PPP2R5E: variants seen among roughly 807,000 people sequenced by gnomAD.
The protein encoded by PPP2R5E is protein phosphatase 2 regulatory subunit B'epsilon, also known as serine/threonine-protein phosphatase 2A 56 kDa regulatory subunit epsilon isoform.
A neutral mutation model predicts 65.3 loss-of-function variants in PPP2R5E; 4 were observed. The ratio of observed to expected loss-of-function variants is 0.06; its 90% CI spans 0.03 to 0.14. PPP2R5E has a LOEUF of 0.14. PPP2R5E is among the 10% of genes least tolerant of loss of function. The pLI, the probability that PPP2R5E is intolerant of heterozygous loss-of-function variation, is 1.00. For synonymous variants in PPP2R5E, 183 were observed against 187.4 expected (o/e 0.98, Z 0.19); for missense variants, 274 against 556.1 (o/e 0.49, Z 5.10).
At chr14:63,463,035 G>C (rs1254781757) in intron 2 of PPP2R5E, among the ~76,000 whole-genome samples, 2 of 149,546 alleles carry the variant, frequency 1.3e-5, no homozygotes, top group Admixed American at 1.3e-4. Flanking sequence ...CTGGGAGGCG[G>C]AGGTTGTGGT....
intron 13 of PPP2R5E, among the ~76,000 whole-genome samples, chr14:63,377,166 A>T (rs1477000519): frequency 2.0e-5 from 3 of 152,078 alleles, no homozygotes; most frequent in Non-Finnish European, 2.9e-5. Flanking sequence ...AAATAAAAAA[A>T]AAAAAATGCT....
In PPP2R5E at chr14:63,520,412, T is replaced by C. The variant is rs1892852467; in HGVS notation, c.157+19117A>G. 5.9e-5 allele frequency among the ~76,000 whole-genome samples: 9 copies of C among 152,226 alleles called. No homozygotes were observed. The South Asian group carries it at 1.4e-3, about 25-fold the overall frequency. On this transcript the variant is annotated intron_variant, in intron 2 of 13. Transcript: ENST00000337537. Reference sequence around the variant, plus strand: ...CTTCCTCTGAGAAACCTTCCCTGAATGGCCACCCTATTTCTCCAAAAGCAC... The same window carrying C: ...CTTCCTCTGAGAAACCTTCCCTGAACGGCCACCCTATTTCTCCAAAAGCAC...
At chr14:63,489,372 T>C (rs1448698551) in intron 2 of PPP2R5E, among the ~76,000 whole-genome samples, 5 of 151,894 alleles carry the variant, frequency 3.3e-5, no homozygotes, top group Non-Finnish European at 7.4e-5. Context: ...TACTCAATGT[T>C]GGTCACCAAA....
chr14:63,403,264 C>T lies in PPP2R5E; in HGVS notation c.550-6548G>A, dbSNP rs533382171. ...CTAACATGGTGAAACCCTGTCTCTA[C>T]TGAAAATACAAAAATTAGTCTGGCG... On this transcript the variant is annotated intron_variant, in intron 5 of 13. Coordinates refer to ENST00000337537, the MANE Select transcript of PPP2R5E (RefSeq NM_006246.5). 2.0e-5 allele frequency among the ~76,000 whole-genome samples: 3 copies of T among 151,722 alleles called. No homozygotes were observed. In the South Asian group the frequency reaches 6.2e-4, roughly 32 times the overall value.
chr14:63,391,172 C>CA (rs989755285), intron 10 of PPP2R5E, among the ~76,000 whole-genome samples: 16 of 152,254 alleles, frequency 1.1e-4, no homozygotes, highest in Admixed American at 9.8e-4. Flanking sequence ...GACAACTGGA[C>CA]ACCTGATTGG....
chr14:63,517,171 G>C (rs1892700834), intron 2 of PPP2R5E, among the ~76,000 whole-genome samples: 1 of 151,914 alleles, frequency 6.6e-6, no homozygotes, highest in Non-Finnish European at 1.5e-5. Flanking sequence ...GTGAAATTAT[G>C]TTATGACAGT....
chr14:63,501,564 G>A (rs966333518), intron 2 of PPP2R5E, among the ~76,000 whole-genome samples: 2 of 152,122 alleles, frequency 1.3e-5, no homozygotes, highest in African/African-American at 4.8e-5. Flanking sequence ...GGTAGCGAGA[G>A]GAATGAGGAG....
intron 3 of PPP2R5E, among the ~76,000 whole-genome samples, chr14:63,431,102 T>C (rs143142942): frequency 1.3e-5 from 2 of 152,126 alleles, no homozygotes; most frequent in Non-Finnish European, 2.9e-5. Context: ...ACCCCATCTG[T>C]ACTAAAAATA....
At chr14:63,439,637 G>A (rs901157698) in intron 3 of PPP2R5E, among the ~76,000 whole-genome samples, 1 of 152,200 alleles carries the variant, frequency 6.6e-6, no homozygotes, top group African/African-American at 2.4e-5. Context: ...GCCTCCCAAA[G>A]TGCTGGGATT....
chr14:63,422,008 C>T lies in PPP2R5E; in HGVS notation c.441G>A (p.Ser147=), dbSNP rs746083267. 5.6e-6 allele frequency: 9 copies of T among 1,611,116 alleles called. No homozygotes were observed. Among genetic ancestry groups the T allele is most frequent in the Admixed American group, 3.3e-5 (2 of 60,000 alleles). Residue 147 remains serine, a synonymous_variant, in exon 4 of 14, where the codon TCG becomes TCA. Coordinates refer to ENST00000337537, the MANE Select transcript of PPP2R5E (RefSeq NM_006246.5). ...TTCAAAGTACCTGTAAGTGTGGCCACGATGCCTCAAGGGTAGGTTCATCTT... is the reference window on the plus strand; with the variant it reads ...TTCAAAGTACCTGTAAGTGTGGCCATGATGCCTCAAGGGTAGGTTCATCTT... The part of the protein sequence containing the change: ...PEEDEPTLEA[S]WPHLQLVYEF...
At chr14:63,478,903 A>G (rs976998993) in intron 2 of PPP2R5E, among the ~76,000 whole-genome samples, 19 of 152,218 alleles carry the variant, frequency 1.2e-4, no homozygotes, top group Admixed American at 2.6e-4. Flanking sequence ...CAGGCAGATC[A>G]CTTGAGGCCA....
At chr14:63,495,827 A>C (rs1365305908) in intron 2 of PPP2R5E, among the ~76,000 whole-genome samples, 1 of 151,838 alleles carries the variant, frequency 6.6e-6, no homozygotes, top group Non-Finnish European at 1.5e-5. Context: ...AGTAACTGAG[A>C]AAACAGGCAT....
Position 63,396,705 on chromosome 14 carries a change from T to C in PPP2R5E, c.561A>G (p.Leu187=), listed in dbSNP as rs761509608. 1.1e-5 allele frequency: 17 copies of C among 1,613,608 alleles called. No homozygotes were observed. The highest frequency in any genetic ancestry group is 1.4e-5 in the Non-Finnish European group (16 of 1,179,708). Residue 187 remains leucine (L), a synonymous_variant, in exon 6 of 14, where the codon CTA becomes CTG. Transcript: ENST00000337537. ...DQKFVLQLLE[L]FDSEDPRERD... is the part of the protein sequence containing the mutation. The stretch of plus-strand genomic sequence containing the variant: ...GTTCCCGAGGGTCTTCGCTGTCAAA[T>C]AGCTCCAGAAGCTGTTGTAAATGAA...
chr14:63,460,239 T>C (rs948137484), intron 2 of PPP2R5E, among the ~76,000 whole-genome samples: 1 of 152,180 alleles, frequency 6.6e-6, no homozygotes, highest in African/African-American at 2.4e-5. Flanking sequence ...GTAGCCACTA[T>C]TAATATCCCA....
chr14:63,458,452 G>T (rs1043260357), intron 2 of PPP2R5E, among the ~76,000 whole-genome samples: 1 of 152,082 alleles, frequency 6.6e-6, no homozygotes, highest in African/African-American at 2.4e-5. Context: ...TAAAATATGT[G>T]CCCAGTCTCT....
chr14:63,486,293 T>TACACACACACACACAC lies in PPP2R5E; in HGVS notation c.158-32424_158-32409dup, dbSNP rs374427574. Among the ~76,000 whole-genome samples the TACACACACACACACAC allele has an allele frequency of 8.0e-4, 102 of 128,044 alleles. 2 individuals carry two copies. The highest frequency in any genetic ancestry group is 2.3e-3 in the African/African-American group (72 of 31,694). The allele number at this position is 128,044 out of a possible 152,430, so 84.0% of individuals were successfully genotyped here. On this transcript the variant is annotated intron_variant, in intron 2 of 13. Coordinates refer to ENST00000337537, the MANE Select transcript of PPP2R5E (RefSeq NM_006246.5). The stretch of plus-strand genomic sequence containing the variant: ...ACCCCACCCATCTTTCTTTCCCCAT[T>TACACACACACACACAC]ACACACACACACACACACACACACA...
chr14:63,470,886 A>G (rs1044572276), intron 2 of PPP2R5E, among the ~76,000 whole-genome samples: 5 of 152,266 alleles, frequency 3.3e-5, no homozygotes, highest in African/African-American at 1.2e-4. Context: ...TAATTCTGAA[A>G]TTTTGACAAT....
chr14:63,399,366 C>CTTT (rs397814218), intron 5 of PPP2R5E, among the ~76,000 whole-genome samples: 2,990 of 48,792 alleles, frequency 0.061, 335 homozygotes, highest in Middle Eastern at 0.094. Context: ...GGATTTCTTT[C>CTTT]TTTTTTTTTT....
intron 2 of PPP2R5E, among the ~76,000 whole-genome samples, chr14:63,467,104 T>C (rs966736311): frequency 1.3e-5 from 2 of 151,642 alleles, no homozygotes; most frequent in East Asian, 1.9e-4. Context: ...CAGGCGCCTG[T>C]AGTCCCAGCT....
Sources: allele counts gnomAD v4.1 joint callset (sites outside exome capture counted in the v4.1 genomes callset), GRCh38; gene constraint gnomAD v4.1.1; transcripts MANE v1.5; gene names NCBI Gene and HGNC (gene_info 2026-07-23, HGNC 2026-07-21).